The following P2RY14 variants were observed in gnomAD, a reference collection of about 807,000 sequenced individuals.
P2RY14 encodes the protein P2Y purinoceptor 14.
A neutral mutation model predicts 0.9 loss-of-function variants in P2RY14; 2 were observed. The ratio of observed to expected loss-of-function variants is 2.16; its 90% confidence interval spans 0.88 to 6.79. The LOEUF (loss-of-function observed/expected upper bound fraction) is 6.79. Ranked by LOEUF, P2RY14 falls within the 30% of genes most tolerant of loss-of-function variation. The pLI is 0.05. For missense variants in P2RY14, 378 were observed against 400.1 expected (o/e 0.94, Z 0.47); for synonymous variants, 158 against 147.2 (o/e 1.07, Z -0.53).
chr3:151,251,837 C>A (rs190697460), intron 1 of P2RY14, among the ~76,000 whole-genome samples: 28 of 152,272 alleles, frequency 1.8e-4, no homozygotes, highest in Non-Finnish European at 2.9e-4. Context: ...ACTTGCTTCT[C>A]AGTCTTTATT....
chr3:151,271,708 A>G (rs1256535470), intron 1 of P2RY14, among the ~76,000 whole-genome samples: 2 of 152,234 alleles, frequency 1.3e-5, no homozygotes, highest in Non-Finnish European at 2.9e-5. Context: ...GGTAAATCTC[A>G]AAACATGCTG....
At chr3:151,274,172 TAATG>T (rs1341048482) in intron 1 of P2RY14, among the ~76,000 whole-genome samples, 1 of 152,188 alleles carries the variant, frequency 6.6e-6, no homozygotes, top group Admixed American at 6.5e-5. Context: ...ATTAAGCAAT[TAATG>T]TGCACTTTGT....
At chr3:151,266,318 A>T (rs544253269) in intron 1 of P2RY14, among the ~76,000 whole-genome samples, 1 of 152,342 alleles carries the variant, frequency 6.6e-6, no homozygotes, top group South Asian at 2.1e-4. Flanking sequence ...CAAATTTGTG[A>T]AATATTTGAA....
In P2RY14 at chr3:151,213,543, C is replaced by T. The variant is rs912376640; in HGVS notation, c.774G>A (p.Lys258=). The T allele has an allele frequency of 6.2e-6, 10 of 1,614,176 alleles. No individual in the cohort carries two copies. The highest frequency in any genetic ancestry group is 8.5e-6 in the Non-Finnish European group (10 of 1,180,022). Residue 258 remains lysine (K), a synonymous_variant, in exon 3 of 3, where the codon AAG becomes AAA. Coordinates refer to ENST00000309170, the MANE Select transcript of P2RY14 (RefSeq NM_014879.4). ...PYHIARIPYT[K]SQTEAHYSCQ... is the part of the protein sequence containing the mutation. ...AGCTGTAATGAGCTTCGGTCTGACT[C>T]TTTGTGTAGGGGATTCTGGCAATAT...
At chr3:151,223,060 G>T (rs1406372189) in intron 1 of P2RY14, among the ~76,000 whole-genome samples, 1 of 151,858 alleles carries the variant, frequency 6.6e-6, no homozygotes, top group African/African-American at 2.4e-5. Context: ...TGGAAAGAAA[G>T]AGGTTAAGTT....
chr3:151,263,952 G>A (rs1344647425), intron 1 of P2RY14, among the ~76,000 whole-genome samples: 4 of 152,186 alleles, frequency 2.6e-5, no homozygotes, highest in Admixed American at 2.0e-4. Context: ...GGCAGATAAC[G>A]ATGGACAGAG....
At chr3:151,216,021 G>C (rs182353500) in intron 2 of P2RY14, among the ~76,000 whole-genome samples, 1 of 152,254 alleles carries the variant, frequency 6.6e-6, no homozygotes, top group East Asian at 1.9e-4. Context: ...TCCTAGCCTG[G>C]TTTGGGGTGG....
chr3:151,244,651 C>T (rs1395957488), intron 1 of P2RY14, among the ~76,000 whole-genome samples: 3 of 150,346 alleles, frequency 2.0e-5, no homozygotes, highest in African/African-American at 7.3e-5. Flanking sequence ...ACTAAATGCC[C>T]ACAAGAGAAA....
chr3:151,213,480 G>A lies in P2RY14; in HGVS notation c.837C>T (p.Phe279=), dbSNP rs781679355. ...SKEILRYMKE[F]TLLLSAANVC... The stretch of plus-strand genomic sequence containing the variant: ...CATTTGCAGCAGATAGTAGCAGAGT[G>A]AATTCTTTCATATACCGCAAGATTT... Residue 279 remains phenylalanine (F), a synonymous_variant, in exon 3 of 3, where the codon TTC becomes TTT. Transcript: ENST00000309170. 1.1e-5 allele frequency: 17 copies of A among 1,614,032 alleles called. No homozygotes were observed. In the Admixed American group the frequency reaches 1.5e-4, roughly 14 times the overall value.
intron 1 of P2RY14, chr3:151,269,418 C>G: frequency 5.0e-6 from 1 of 201,218 alleles, no homozygotes; most frequent in South Asian, 8.9e-5. Context: ...CACACACACA[C>G]ACACACACAC....
intron 1 of P2RY14, among the ~76,000 whole-genome samples, chr3:151,222,245 G>A (rs114034004): frequency 0.042 from 6,372 of 152,290 alleles, 174 homozygotes; most frequent in Middle Eastern, 0.088. Context: ...GACTTGCCTT[G>A]TCTGGGATGA....
At chr3:151,228,328 A>G (rs1330705060) in intron 1 of P2RY14, among the ~76,000 whole-genome samples, 1 of 152,190 alleles carries the variant, frequency 6.6e-6, no homozygotes, top group African/African-American at 2.4e-5. Flanking sequence ...CCTCAGCTAC[A>G]TCTAGGGTTC....
chr3:151,256,197 C>T (rs1025838825), intron 1 of P2RY14, among the ~76,000 whole-genome samples: 1 of 152,262 alleles, frequency 6.6e-6, no homozygotes, highest in Non-Finnish European at 1.5e-5. Context: ...CATAGCAATA[C>T]ATAACTCATG....
chr3:151,248,506 A>G (rs796550441), intron 1 of P2RY14, among the ~76,000 whole-genome samples: 6 of 152,278 alleles, frequency 3.9e-5, no homozygotes, highest in African/African-American at 1.2e-4. Flanking sequence ...TATATATATC[A>G]TAACCCAGCT....
chr3:151,242,366 A>G (rs1029153269), intron 1 of P2RY14, among the ~76,000 whole-genome samples: 17 of 152,352 alleles, frequency 1.1e-4, no homozygotes, highest in African/African-American at 3.4e-4. Context: ...GCAGACTTAA[A>G]TGTCCCTGTC....
chr3:151,228,559 A>G (rs1388320866), intron 1 of P2RY14, among the ~76,000 whole-genome samples: 1 of 152,186 alleles, frequency 6.6e-6, no homozygotes. Context: ...AGCTTCCTCC[A>G]GTATGTGGCC....
chr3:151,274,725 T>G (rs1741562851), intron 1 of P2RY14, among the ~76,000 whole-genome samples: 1 of 152,218 alleles, frequency 6.6e-6, no homozygotes. Flanking sequence ...TAAGTTATAA[T>G]ATGTCCAAAG....
At chr3:151,249,460 G>A (rs1281949797) in intron 1 of P2RY14, among the ~76,000 whole-genome samples, 3 of 152,186 alleles carry the variant, frequency 2.0e-5, no homozygotes, top group South Asian at 2.1e-4. Flanking sequence ...GTTTAAGTAG[G>A]TGTTAACTTG....
intron 1 of P2RY14, among the ~76,000 whole-genome samples, chr3:151,229,716 C>T (rs904598323): frequency 1.3e-5 from 2 of 152,004 alleles, no homozygotes; most frequent in Admixed American, 6.6e-5. Flanking sequence ...CCGCCTGCCT[C>T]GGCCTCCCAA....
Sources: allele counts gnomAD v4.1 joint callset (sites outside exome capture counted in the v4.1 genomes callset), GRCh38; gene constraint gnomAD v4.1.1; transcripts MANE v1.5; gene names NCBI Gene and HGNC (gene_info 2026-07-23, HGNC 2026-07-21).